MACROD2: variants seen among roughly 807,000 people sequenced by gnomAD.
MACROD2 encodes mono-ADP ribosylhydrolase 2.
MACROD2 carries 36 observed loss-of-function variants against 70.4 expected under a neutral mutation model. The ratio of observed to expected loss-of-function variants is 0.51; its 90% CI spans 0.39 to 0.68. MACROD2 has a LOEUF of 0.68. MACROD2 is among the 30% of genes least tolerant of loss of function. The pLI is 0.00. For synonymous variants in MACROD2, 172 were observed against 178.8 expected (o/e 0.96, Z 0.30); for missense variants, 496 against 538.4 (o/e 0.92, Z 0.78).
chr20:16,021,044 G>A (rs1011379101), intron 15 of MACROD2, among the ~76,000 whole-genome samples: 2 of 152,102 alleles, frequency 1.3e-5, no homozygotes, highest in Non-Finnish European at 2.9e-5. Flanking sequence ...AACTGAATCA[G>A]TCCCCTGTTC....
chr20:14,490,297 A>T (rs920135366), intron 3 of MACROD2, among the ~76,000 whole-genome samples: 1 of 152,198 alleles, frequency 6.6e-6, no homozygotes, highest in Non-Finnish European at 1.5e-5. Flanking sequence ...TCCATATTTG[A>T]CACTATCAAA....
chr20:15,543,296 T>C (rs1178227820), intron 8 of MACROD2, among the ~76,000 whole-genome samples: 1 of 152,166 alleles, frequency 6.6e-6, no homozygotes. Context: ...TCAAGAGGAA[T>C]GGATAATAAG....
intron 5 of MACROD2, among the ~76,000 whole-genome samples, chr20:14,720,569 T>TTTTTTTTTTTTTTTTTTTTTTTTGTG (rs531072431): frequency 1.2e-5 from 1 of 84,094 alleles, no homozygotes; most frequent in Non-Finnish European, 2.4e-5. Context: ...TTTTTTTTTT[T>TTTTTTTTTTTTTTTTTTTTTTTTGTG]TGTGAGGCAG....
intron 8 of MACROD2, among the ~76,000 whole-genome samples, chr20:15,657,699 T>TA (rs2049752234): frequency 6.6e-6 from 1 of 152,178 alleles, no homozygotes. Context: ...ACAGTCTTAA[T>TA]AATTAGCTTC....
At chr20:15,823,463 A>G (rs2063963551) in intron 8 of MACROD2, among the ~76,000 whole-genome samples, 2 of 152,220 alleles carry the variant, frequency 1.3e-5, no homozygotes, top group African/African-American at 4.8e-5. Flanking sequence ...GAATGACTAG[A>G]TTGCTTTTAA....
At chr20:15,840,839 A>G (rs1265102077) in intron 8 of MACROD2, among the ~76,000 whole-genome samples, 1 of 152,178 alleles carries the variant, frequency 6.6e-6, no homozygotes. Context: ...AGCATGCCAA[A>G]TGTTACCCAC....
intron 3 of MACROD2, among the ~76,000 whole-genome samples, chr20:14,440,908 G>T (rs1005146787): frequency 5.9e-5 from 9 of 152,018 alleles, no homozygotes; most frequent in Non-Finnish European, 1.0e-4. Context: ...TTTCTTTGGG[G>T]CCATATAACC....
chr20:15,644,766 T>C (rs981637619), intron 8 of MACROD2, among the ~76,000 whole-genome samples: 4 of 152,188 alleles, frequency 2.6e-5, no homozygotes, highest in African/African-American at 9.6e-5. Flanking sequence ...CTCGGCTCAG[T>C]GCAACCTCCG....
intron 5 of MACROD2, among the ~76,000 whole-genome samples, chr20:14,726,451 A>G (rs1298554885): frequency 2.6e-5 from 4 of 152,128 alleles, no homozygotes; most frequent in Non-Finnish European, 5.9e-5. Context: ...TCACAGGCGA[A>G]ACTGAATTGC....
chr20:14,011,607 C>G (rs1363537441), intron 2 of MACROD2, among the ~76,000 whole-genome samples: 1 of 151,864 alleles, frequency 6.6e-6, no homozygotes, highest in African/African-American at 2.4e-5. Context: ...CGGCTCACTG[C>G]AAGCTCTGCC....
chr20:14,520,113 A>G (rs1464272376), intron 4 of MACROD2, among the ~76,000 whole-genome samples: 2 of 152,176 alleles, frequency 1.3e-5, no homozygotes, highest in Non-Finnish European at 2.9e-5. Flanking sequence ...TCTGTCAGGT[A>G]CTATGCTTGG....
At chr20:15,904,675 G>T (rs1299253088) in intron 10 of MACROD2, among the ~76,000 whole-genome samples, 2 of 151,846 alleles carry the variant, frequency 1.3e-5, no homozygotes, top group African/African-American at 4.8e-5. Flanking sequence ...GCCAGATCAC[G>T]AGGTCAGGAG....
chr20:14,206,193 A>G (rs549522641), intron 3 of MACROD2, among the ~76,000 whole-genome samples: 43 of 152,346 alleles, frequency 2.8e-4, no homozygotes, highest in Admixed American at 5.9e-4. Flanking sequence ...GCCCCTCACA[A>G]CAAAGAATTA....
At chr20:15,044,314 A>C (rs1228393202) in intron 5 of MACROD2, among the ~76,000 whole-genome samples, 1 of 152,212 alleles carries the variant, frequency 6.6e-6, no homozygotes, top group Non-Finnish European at 1.5e-5. Flanking sequence ...CAAGAGTTTT[A>C]GGGAGCTCTG....
At chr20:15,889,010 C>G (rs2064856151) in intron 10 of MACROD2, among the ~76,000 whole-genome samples, 1 of 152,138 alleles carries the variant, frequency 6.6e-6, no homozygotes, top group Non-Finnish European at 1.5e-5. Flanking sequence ...GCAACCGACA[C>G]TAATGAAGGG....
intron 5 of MACROD2, among the ~76,000 whole-genome samples, chr20:15,049,196 T>C (rs990737465): frequency 3.3e-5 from 5 of 151,738 alleles, no homozygotes; most frequent in Non-Finnish European, 2.9e-5. Context: ...TAAACAGTAA[T>C]GCCTATAGAG....
At chr20:15,267,904 T>TTTTG (rs1156602160) in intron 6 of MACROD2, among the ~76,000 whole-genome samples, 2 of 151,896 alleles carry the variant, frequency 1.3e-5, no homozygotes, top group East Asian at 1.9e-4. Flanking sequence ...TTGCTGAGAG[T>TTTTG]TTTGTTTGTT....
intron 8 of MACROD2, among the ~76,000 whole-genome samples, chr20:15,721,897 C>T (rs1240386314): frequency 6.6e-6 from 1 of 152,132 alleles, no homozygotes; most frequent in Non-Finnish European, 1.5e-5. Flanking sequence ...CTAAAAATAA[C>T]TACTGTCCTG....
At chr20:14,918,612 T>TG (rs1201658677) in intron 5 of MACROD2, among the ~76,000 whole-genome samples, 3 of 146,760 alleles carry the variant, frequency 2.0e-5, no homozygotes, top group Admixed American at 6.7e-5. Context: ...CACTGTGTTT[T>TG]TTTTGTTTTT....
Sources: gnomAD v4.1 joint callset for allele counts (sites outside exome capture counted in the v4.1 genomes callset) on GRCh38, gnomAD v4.1.1 for gene constraint, MANE v1.5 for transcripts, NCBI Gene and HGNC (gene_info 2026-07-23, HGNC 2026-07-21) for gene names.